The following CFAP299 variants were observed in gnomAD, a reference collection of about 807,000 sequenced individuals.
The protein encoded by CFAP299 is cilia- and flagella-associated protein 299.
CFAP299 carries 21 observed loss-of-function variants against 27.0 expected under a neutral mutation model. The observed-to-expected ratio is 0.78, with a 90% CI of 0.55 to 1.12. CFAP299 has a LOEUF of 1.12. CFAP299 is among the 50% of genes most tolerant of loss of function. The pLI, the probability that CFAP299 is intolerant of heterozygous loss-of-function variation, is 0.00. For synonymous variants in CFAP299, 104 were observed against 98.1 expected (o/e 1.06, Z -0.36); for missense variants, 310 against 276.6 (o/e 1.12, Z -0.86).
intron 2 of CFAP299, among the ~76,000 whole-genome samples, chr4:80,574,536 C>A (rs1735750980): frequency 6.6e-6 from 1 of 152,084 alleles, no homozygotes; most frequent in South Asian, 2.1e-4. Context: ...TGTCTTATTG[C>A]AAATCTTAGA....
At chr4:80,872,172 G>A (rs1389062597) in intron 4 of CFAP299, 2 of 151,910 alleles carry the variant, frequency 1.3e-5, no homozygotes, top group Non-Finnish European at 2.9e-5. Flanking sequence ...TTTTTTCTAA[G>A]TAAGAAATTT....
chr4:80,606,854 A>T (rs1737705684), intron 3 of CFAP299, among the ~76,000 whole-genome samples: 1 of 152,218 alleles, frequency 6.6e-6, no homozygotes. Flanking sequence ...GGATAAAAAA[A>T]CTAAGATTTT....
intron 2 of CFAP299, among the ~76,000 whole-genome samples, chr4:80,458,885 A>G (rs1012168169): frequency 5.3e-5 from 8 of 152,142 alleles, no homozygotes; most frequent in African/African-American, 1.9e-4. Context: ...CCCTCCTGGG[A>G]TTGAACTTTC....
intron 2 of CFAP299, among the ~76,000 whole-genome samples, chr4:80,403,509 A>C (rs1419629787): frequency 6.6e-6 from 1 of 152,124 alleles, no homozygotes; most frequent in Non-Finnish European, 1.5e-5. Context: ...CTCCTAACAC[A>C]GGCCCTTTGC....
intron 2 of CFAP299, among the ~76,000 whole-genome samples, chr4:80,496,488 C>T (rs887383876): frequency 2.0e-5 from 3 of 152,178 alleles, no homozygotes; most frequent in Non-Finnish European, 4.4e-5. Flanking sequence ...TCTCATCAGC[C>T]TGGCCTACAT....
intron 3 of CFAP299, among the ~76,000 whole-genome samples, chr4:80,711,548 G>T (rs560068002): frequency 6.6e-6 from 1 of 152,228 alleles, no homozygotes; most frequent in South Asian, 2.1e-4. Context: ...GACCCAACAG[G>T]TAGATAACAT....
intron 4 of CFAP299, among the ~76,000 whole-genome samples, chr4:80,926,797 T>A (rs981069890): frequency 2.6e-5 from 4 of 152,122 alleles, no homozygotes; most frequent in Non-Finnish European, 5.9e-5. Context: ...TAGGAATTTA[T>A]GGAGCAATTA....
At chr4:80,372,649 C>T (rs962535609) in intron 2 of CFAP299, among the ~76,000 whole-genome samples, 4 of 152,072 alleles carry the variant, frequency 2.6e-5, no homozygotes, top group Non-Finnish European at 4.4e-5. Flanking sequence ...TTTATCTGCC[C>T]TCCTCTGGAG....
chr4:80,947,747 T>C (rs1026902981), intron 5 of CFAP299, among the ~76,000 whole-genome samples: 8 of 152,152 alleles, frequency 5.3e-5, no homozygotes, highest in Non-Finnish European at 4.4e-5. Flanking sequence ...AAGACACTTA[T>C]ATATTTTAAT....
At chr4:80,370,195 T>G (rs559162817) in intron 2 of CFAP299, among the ~76,000 whole-genome samples, 1 of 152,144 alleles carries the variant, frequency 6.6e-6, no homozygotes, top group Admixed American at 6.5e-5. Context: ...CAACCAGATC[T>G]CTTGAGAATT....
At chr4:80,454,419 T>C (rs1213220517) in intron 2 of CFAP299, among the ~76,000 whole-genome samples, 1 of 152,190 alleles carries the variant, frequency 6.6e-6, no homozygotes, top group Non-Finnish European at 1.5e-5. Flanking sequence ...GGATTGAACA[T>C]GGACAGCTGG....
intron 3 of CFAP299, among the ~76,000 whole-genome samples, chr4:80,684,871 G>C (rs897221031): frequency 6.6e-6 from 1 of 151,652 alleles, no homozygotes; most frequent in Non-Finnish European, 1.5e-5. Flanking sequence ...ATCTCTGTTT[G>C]TTAAGCCCAG....
chr4:80,923,766 C>T (rs997478222), intron 4 of CFAP299, among the ~76,000 whole-genome samples: 13 of 152,040 alleles, frequency 8.6e-5, no homozygotes, highest in African/African-American at 3.1e-4. Context: ...TCATGGACCT[C>T]ATTTGAATTC....
intron 3 of CFAP299, among the ~76,000 whole-genome samples, chr4:80,769,118 A>G (rs541434375): frequency 1.3e-5 from 2 of 152,322 alleles, no homozygotes; most frequent in East Asian, 3.9e-4. Context: ...CATTTGAAAG[A>G]AAAAAATAAG....
chr4:80,766,918 C>A (rs567919630), intron 3 of CFAP299, among the ~76,000 whole-genome samples: 4 of 151,964 alleles, frequency 2.6e-5, no homozygotes, highest in Non-Finnish European at 5.9e-5. Flanking sequence ...GTGTATGTAG[C>A]GAAAGAGTAA....
At chr4:80,906,973 CA>C (rs924645845) in intron 4 of CFAP299, among the ~76,000 whole-genome samples, 1 of 152,048 alleles carries the variant, frequency 6.6e-6, no homozygotes, top group East Asian at 1.9e-4. Flanking sequence ...AATTTCTCTC[CA>C]AAAAATGGGC....
At chr4:80,518,580 G>GT (rs1390833911) in intron 2 of CFAP299, among the ~76,000 whole-genome samples, 1 of 151,958 alleles carries the variant, frequency 6.6e-6, no homozygotes, top group Non-Finnish European at 1.5e-5. Flanking sequence ...TTAGCACATC[G>GT]TTTTAAGAGG....
chr4:80,803,468 T>A (rs1728712657), intron 3 of CFAP299, among the ~76,000 whole-genome samples: 1 of 151,952 alleles, frequency 6.6e-6, no homozygotes, highest in Admixed American at 6.6e-5. Context: ...GATCATAGGG[T>A]GTATACCAAA....
At chr4:80,449,186 C>T (rs2047235) in intron 2 of CFAP299, among the ~76,000 whole-genome samples, 97,254 of 151,956 alleles carry the variant, frequency 0.64, 33,818 homozygotes, top group Non-Finnish European at 0.76. Flanking sequence ...AGAGTTTTTG[C>T]TCACTTTTCT....
Sources: gnomAD v4.1 joint callset for allele counts (sites outside exome capture counted in the v4.1 genomes callset) on GRCh38, gnomAD v4.1.1 for gene constraint, MANE v1.5 for transcripts, NCBI Gene and HGNC (gene_info 2026-07-23, HGNC 2026-07-21) for gene names.